Variants in NKAIN2 observed in about 807,000 individuals in gnomAD.
NKAIN2 encodes sodium/potassium transporting ATPase interacting 2.
NKAIN2 carries 14 observed loss-of-function variants against 32.6 expected under a neutral mutation model. The ratio of observed to expected loss-of-function variants is 0.43; its 90% CI spans 0.28 to 0.67. The LOEUF (loss-of-function observed/expected upper bound fraction) is 0.67. Ranked by LOEUF, NKAIN2 falls within the 30% of genes least tolerant of loss-of-function variation. The probability of loss-of-function intolerance (pLI) is 0.17; values close to 1 mark genes in which losing one functional copy is unlikely to be tolerated. For missense variants in NKAIN2, 198 were observed against 258.3 expected (o/e 0.77, Z 1.60); for synonymous variants, 80 against 87.2 (o/e 0.92, Z 0.46).
intron 4 of NKAIN2, chr6:124,658,649 T>G (rs1384020861): frequency 1.2e-6 from 1 of 807,016 alleles, no homozygotes; most frequent in Non-Finnish European, 1.8e-6. Context: ...AAGATGTGAT[T>G]ACGTGACTTT....
At chr6:123,912,112 A>G (rs1411360193) in intron 1 of NKAIN2, among the ~76,000 whole-genome samples, 5 of 151,698 alleles carry the variant, frequency 3.3e-5, no homozygotes, top group Non-Finnish European at 5.9e-5. Context: ...ACCAATTTCC[A>G]TGTTTTACCT....
chr6:124,497,130 A>C (rs1461648314), intron 3 of NKAIN2, among the ~76,000 whole-genome samples: 1 of 152,150 alleles, frequency 6.6e-6, no homozygotes, highest in African/African-American at 2.4e-5. Flanking sequence ...TTGATCTGAA[A>C]ACATATAAAA....
chr6:124,656,229 G>A (rs1226185129), intron 3 of NKAIN2, among the ~76,000 whole-genome samples: 1 of 152,116 alleles, frequency 6.6e-6, no homozygotes, highest in African/African-American at 2.4e-5. Flanking sequence ...TCCTACTTTT[G>A]TGGTTACTTC....
intron 1 of NKAIN2, among the ~76,000 whole-genome samples, chr6:123,932,369 ATG>A (rs1052346459): frequency 4.3e-4 from 62 of 144,460 alleles, no homozygotes; most frequent in Non-Finnish European, 8.2e-4. Context: ...ACAAATCAAC[ATG>A]TGTGGAGTAG....
At chr6:124,280,306 T>C (rs896492776) in intron 1 of NKAIN2, among the ~76,000 whole-genome samples, 1 of 152,210 alleles carries the variant, frequency 6.6e-6, no homozygotes, top group African/African-American at 2.4e-5. Context: ...CTGACAAGTA[T>C]GATCAGAGAG....
intron 2 of NKAIN2, among the ~76,000 whole-genome samples, chr6:124,339,698 T>C (rs1290480026): frequency 1.3e-5 from 2 of 152,192 alleles, no homozygotes; most frequent in African/African-American, 4.8e-5. Flanking sequence ...TTAACTTAAT[T>C]ACATCTGCAA....
intron 3 of NKAIN2, among the ~76,000 whole-genome samples, chr6:124,651,628 G>A (rs1784371652): frequency 6.6e-6 from 1 of 152,084 alleles, no homozygotes; most frequent in Non-Finnish European, 1.5e-5. Context: ...CACAGCTGTG[G>A]GAGACAAGGA....
At chr6:124,743,214 T>C (rs1053004863) in intron 4 of NKAIN2, among the ~76,000 whole-genome samples, 2 of 151,898 alleles carry the variant, frequency 1.3e-5, no homozygotes, top group Non-Finnish European at 2.9e-5. Flanking sequence ...ACCAGTGTCC[T>C]GACCTGTAGG....
intron 4 of NKAIN2, among the ~76,000 whole-genome samples, chr6:124,738,272 A>C (rs1426601860): frequency 1.3e-5 from 2 of 151,948 alleles, no homozygotes; most frequent in Non-Finnish European, 2.9e-5. Flanking sequence ...GAGCAATCTA[A>C]ATAAATAAGC....
intron 4 of NKAIN2, among the ~76,000 whole-genome samples, chr6:124,736,541 C>G (rs536491545): frequency 2.8e-4 from 42 of 152,036 alleles, no homozygotes; most frequent in African/African-American, 1.0e-3. Context: ...GCTGACTCTC[C>G]TGTTAGAGGC....
intron 1 of NKAIN2, among the ~76,000 whole-genome samples, chr6:124,078,784 TTTTGTGTG>T (rs909181113): frequency 2.5e-5 from 3 of 120,072 alleles, no homozygotes; most frequent in African/African-American, 9.5e-5. Flanking sequence ...GCTATGTCGT[TTTTGTGTG>T]TGTGTGTGTG....
At chr6:124,504,738 A>C (rs1778411494) in intron 3 of NKAIN2, among the ~76,000 whole-genome samples, 2 of 152,246 alleles carry the variant, frequency 1.3e-5, no homozygotes, top group Admixed American at 6.5e-5. Context: ...TGTATGTATT[A>C]GATCTTTTAT....
intron 1 of NKAIN2, among the ~76,000 whole-genome samples, chr6:123,901,674 G>A (rs1774594985): frequency 6.6e-6 from 1 of 152,138 alleles, no homozygotes; most frequent in African/African-American, 2.4e-5. Context: ...TATTGCATGA[G>A]AAACTTTGAA....
At chr6:124,314,488 G>A (rs966731056) in intron 2 of NKAIN2, among the ~76,000 whole-genome samples, 1 of 152,140 alleles carries the variant, frequency 6.6e-6, no homozygotes, top group Non-Finnish European at 1.5e-5. Flanking sequence ...AGAAGCTAGA[G>A]GAGTTAAGAT....
chr6:124,129,875 C>T (rs1041427544), intron 1 of NKAIN2, among the ~76,000 whole-genome samples: 2 of 152,124 alleles, frequency 1.3e-5, no homozygotes, highest in Non-Finnish European at 2.9e-5. Flanking sequence ...TGCCTCGCCT[C>T]CCAAAGTGCT....
intron 1 of NKAIN2, among the ~76,000 whole-genome samples, chr6:123,886,506 C>T (rs1012097364): frequency 6.6e-6 from 1 of 152,054 alleles, no homozygotes; most frequent in Non-Finnish European, 1.5e-5. Context: ...ATGCAGAATG[C>T]ATCAAGTCTG....
intron 1 of NKAIN2, among the ~76,000 whole-genome samples, chr6:124,056,270 T>A: frequency 6.6e-6 from 1 of 151,930 alleles, no homozygotes; most frequent in East Asian, 1.9e-4. Context: ...CAGTAATTGG[T>A]ACTACATTTT....
intron 1 of NKAIN2, among the ~76,000 whole-genome samples, chr6:124,015,618 T>C (rs1374637944): frequency 6.6e-6 from 1 of 152,236 alleles, no homozygotes; most frequent in East Asian, 1.9e-4. Flanking sequence ...AGCCGTTCTG[T>C]ATGTTTAGCA....
At chr6:123,908,798 T>C (rs1306757742) in intron 1 of NKAIN2, among the ~76,000 whole-genome samples, 2 of 152,208 alleles carry the variant, frequency 1.3e-5, no homozygotes, top group African/African-American at 2.4e-5. Flanking sequence ...GTTTGGAATA[T>C]ACTGAGTCTA....
Sources: gnomAD v4.1 joint callset for allele counts (sites outside exome capture counted in the v4.1 genomes callset) on GRCh38, gnomAD v4.1.1 for gene constraint, MANE v1.5 for transcripts, NCBI Gene and HGNC (gene_info 2026-07-23, HGNC 2026-07-21) for gene names.